SSPN: variants seen among roughly 807,000 people sequenced by gnomAD.
SSPN encodes sarcospan, also known as K-ras oncogene-associated protein.
A neutral mutation model predicts 19.1 loss-of-function variants in SSPN; 15 were observed. The ratio of observed to expected loss-of-function variants is 0.78; its 90% confidence interval spans 0.52 to 1.21. The LOEUF is 1.21. SSPN is among the 50% of genes most tolerant of loss of function. The pLI is 0.00. For synonymous variants in SSPN, 147 were observed against 140.3 expected (o/e 1.05, Z -0.34); for missense variants, 291 against 314.0 (o/e 0.93, Z 0.55).
At chr12:26,153,691 T>A (rs900075747) in intron 1 of SSPN, among the ~76,000 whole-genome samples, 1 of 152,236 alleles carries the variant, frequency 6.6e-6, no homozygotes, top group African/African-American at 2.4e-5. Flanking sequence ...ACCGTTTTTG[T>A]AGGTGGTGGA....
chr12:26,147,161 T>C (rs1455139647), intron 1 of SSPN, among the ~76,000 whole-genome samples: 3 of 152,190 alleles, frequency 2.0e-5, no homozygotes, highest in Non-Finnish European at 2.9e-5. Flanking sequence ...TTTCTGGAAA[T>C]ATCCATATCT....
At chr12:26,198,637 C>T (rs1591875406) in intron 1 of SSPN, among the ~76,000 whole-genome samples, 2 of 152,176 alleles carry the variant, frequency 1.3e-5, no homozygotes, top group South Asian at 2.1e-4. Flanking sequence ...ATTTTTGACT[C>T]GCTACATTTC....
At chr12:26,154,211 A>C (rs1424896063) in intron 1 of SSPN, among the ~76,000 whole-genome samples, 1 of 152,218 alleles carries the variant, frequency 6.6e-6, no homozygotes, top group African/African-American at 2.4e-5. Flanking sequence ...ATGTCAAAAG[A>C]TGACAGGGTT....
intron 2 of SSPN, among the ~76,000 whole-genome samples, chr12:26,229,112 A>C (rs1945205798): frequency 6.6e-6 from 1 of 152,252 alleles, no homozygotes; most frequent in Admixed American, 6.5e-5. Flanking sequence ...TGTTTCACAG[A>C]TGAAGATACT....
chr12:26,163,474 C>T (rs922131064), intron 1 of SSPN, among the ~76,000 whole-genome samples: 2 of 152,136 alleles, frequency 1.3e-5, no homozygotes, highest in African/African-American at 2.4e-5. Flanking sequence ...ATTTATTTCT[C>T]ACAGTTCTAG....
chr12:26,157,252 C>T (rs1944561428), intron 1 of SSPN, among the ~76,000 whole-genome samples: 1 of 152,172 alleles, frequency 6.6e-6, no homozygotes, highest in Non-Finnish European at 1.5e-5. Context: ...TAAGTGATTG[C>T]AGATTTTACT....
At chr12:26,122,385 T>C in intron 1 of SSPN, 2 of 1,198,996 alleles carry the variant, frequency 1.7e-6, no homozygotes, top group Middle Eastern at 3.2e-4. Flanking sequence ...CGCCGCCGGG[T>C]ACAGATACTT....
chr12:26,219,611 AG>A (rs1945097275), intron 1 of SSPN, among the ~76,000 whole-genome samples: 1 of 152,256 alleles, frequency 6.6e-6, no homozygotes, highest in African/African-American at 2.4e-5. Context: ...TTAGGACTTC[AG>A]TTTTCTCTTC....
intron 1 of SSPN, among the ~76,000 whole-genome samples, chr12:26,158,104 G>A (rs1017700126): frequency 1.3e-5 from 2 of 152,038 alleles, no homozygotes; most frequent in Non-Finnish European, 2.9e-5. Context: ...TATTTCAAAA[G>A]ACACAAGTAG....
chr12:26,184,773 T>G (rs557466875), intron 1 of SSPN, among the ~76,000 whole-genome samples: 1 of 152,254 alleles, frequency 6.6e-6, no homozygotes, highest in South Asian at 2.1e-4. Flanking sequence ...ACTTCTCTCA[T>G]AGAGAGGAAG....
intron 2 of SSPN, among the ~76,000 whole-genome samples, chr12:26,224,861 T>C (rs1945161202): frequency 1.3e-5 from 2 of 152,146 alleles, no homozygotes; most frequent in South Asian, 2.1e-4. Flanking sequence ...TGATGGGATA[T>C]GCGTGGTTTG....
At chr12:26,157,389 C>T (rs1261218300) in intron 1 of SSPN, among the ~76,000 whole-genome samples, 1 of 152,068 alleles carries the variant, frequency 6.6e-6, no homozygotes, top group East Asian at 1.9e-4. Context: ...TTCTTGGACC[C>T]TGGAGTCTTG....
chr12:26,159,980 C>T (rs1008329553), intron 1 of SSPN, among the ~76,000 whole-genome samples: 1 of 152,176 alleles, frequency 6.6e-6, no homozygotes, highest in Non-Finnish European at 1.5e-5. Flanking sequence ...TTGGCTGTGA[C>T]ATCTGCCTCT....
At chr12:26,123,294 G>T (rs921676080) in intron 1 of SSPN, 2 of 1,277,608 alleles carry the variant, frequency 1.6e-6, no homozygotes, top group Non-Finnish European at 2.1e-6. Context: ...TTTTTCCCCA[G>T]TATTCAAGTG....
intron 1 of SSPN, among the ~76,000 whole-genome samples, chr12:26,167,917 A>T (rs1555177376): frequency 6.6e-6 from 1 of 152,182 alleles, no homozygotes; most frequent in Non-Finnish European, 1.5e-5. Flanking sequence ...GAAGGATGAA[A>T]TTAATAACAA....
Position 26,231,211 on chromosome 12 carries a change from T to C in SSPN, c.*135T>C. ...TCTTCTAATTGAATATTTTTATATTTTTATGAAACAAAAGAGCATTTCTTC... is the reference window on the plus strand; with the variant it reads ...TCTTCTAATTGAATATTTTTATATTCTTATGAAACAAAAGAGCATTTCTTC... On this transcript the variant is annotated 3_prime_UTR_variant, in exon 3 of 3. Coordinates refer to ENST00000242729, the MANE Select transcript of SSPN (RefSeq NM_005086.5). 3.2e-6 allele frequency: 4 copies of C among 1,259,222 alleles called. No individual in the cohort carries two copies. Among genetic ancestry groups the C allele is most frequent in the Non-Finnish European group, 4.2e-6 (4 of 953,214 alleles). 78.0% of individuals were successfully genotyped at this position (1,259,222 alleles called of 1,614,324 possible).
intron 1 of SSPN, among the ~76,000 whole-genome samples, chr12:26,189,541 T>A (rs1944775149): frequency 1.3e-5 from 2 of 152,280 alleles, no homozygotes; most frequent in Non-Finnish European, 2.9e-5. Context: ...CCTTCAGGCA[T>A]CCCTATCACT....
At chr12:26,201,015 A>G (rs1346049283) in intron 1 of SSPN, among the ~76,000 whole-genome samples, 3 of 49,612 alleles carry the variant, frequency 6.0e-5, no homozygotes, top group African/African-American at 1.7e-4. Context: ...ATTTGTGTAT[A>G]TATATATATA....
Position 26,195,870 on chromosome 12 carries a change from C to T in SSPN, c.198C>T (p.Ala66=), listed in dbSNP as rs747147935. The T allele has an allele frequency of 2.1e-5, 33 of 1,569,714 alleles. No individual in the cohort carries two copies. The South Asian group carries it at 3.4e-4, about 16-fold the overall frequency. The change falls in exon 1 of 3, where the codon GCC becomes GCT. Residue 66 remains alanine (A), a synonymous_variant. Transcript: ENST00000242729. The part of the protein sequence containing the change: ...LALLQLALGI[A]VTVVGFLMAS... ...TGCTGCAGCTGGCCCTGGGCATCGC[C>T]GTGACCGTGGTGGGCTTCCTCATGG...
Sources: allele counts gnomAD v4.1 joint callset (sites outside exome capture counted in the v4.1 genomes callset), GRCh38; gene constraint gnomAD v4.1.1; transcripts MANE v1.5; gene names NCBI Gene and HGNC (gene_info 2026-07-23, HGNC 2026-07-21).